FOXP2: variants seen among roughly 807,000 people sequenced by gnomAD.
The protein encoded by FOXP2 is forkhead box P2.
Under a neutral mutation model 115.8 loss-of-function variants are expected in FOXP2, and 12 were observed. That is an observed-to-expected ratio of 0.10 (90% CI 0.07 to 0.17). FOXP2 has a LOEUF of 0.17. Among genes scored for constraint, FOXP2 ranks in the 10% least tolerant of loss-of-function variants. The pLI is 1.00. For missense variants in FOXP2, 629 were observed against 843.5 expected, an observed-to-expected ratio of 0.75 and a Z score of 3.15; for synonymous variants, 328 against 297.7, an observed-to-expected ratio of 1.10 and a Z score of -1.05.
chr7:114,644,431 T>G (rs1432695751), intron 7 of FOXP2, among the ~76,000 whole-genome samples: 1 of 152,198 alleles, frequency 6.6e-6, no homozygotes, highest in Admixed American at 6.5e-5. Flanking sequence ...GATTAGCATA[T>G]GATATTATAC....
intron 2 of FOXP2, among the ~76,000 whole-genome samples, chr7:114,322,104 C>T (rs1370070526): frequency 1.3e-5 from 2 of 151,090 alleles, no homozygotes; most frequent in African/African-American, 4.9e-5. Flanking sequence ...CTCACTATAG[C>T]CTAGACCTCC....
chr7:114,638,852 T>C (rs548403865), intron 6 of FOXP2, among the ~76,000 whole-genome samples: 1 of 152,306 alleles, frequency 6.6e-6, no homozygotes, highest in East Asian at 1.9e-4. Context: ...CTCTGCCTCT[T>C]ATCTATTATA....
intron 1 of FOXP2, among the ~76,000 whole-genome samples, chr7:114,186,078 T>C (rs1793597134): frequency 6.6e-6 from 1 of 152,060 alleles, no homozygotes; most frequent in African/African-American, 2.4e-5. Flanking sequence ...TAGTCACCTC[T>C]TAAAGGCCAC....
At chr7:114,117,868 G>A (rs1187308869) in intron 1 of FOXP2, among the ~76,000 whole-genome samples, 1 of 152,086 alleles carries the variant, frequency 6.6e-6, no homozygotes, top group African/African-American at 2.4e-5. Context: ...CAGACTGAAG[G>A]CTTCTCATTG....
At chr7:114,288,341 C>A (rs1055720421) in intron 2 of FOXP2, among the ~76,000 whole-genome samples, 2 of 151,768 alleles carry the variant, frequency 1.3e-5, no homozygotes, top group Non-Finnish European at 2.9e-5. Flanking sequence ...CTTGGTATCA[C>A]TTTTTAAAAC....
chr7:114,337,730 T>C (rs895565790), intron 2 of FOXP2, among the ~76,000 whole-genome samples: 2 of 151,120 alleles, frequency 1.3e-5, no homozygotes, highest in Non-Finnish European at 3.0e-5. Flanking sequence ...TTGTATTAGA[T>C]GAAAAATGAA....
intron 2 of FOXP2, among the ~76,000 whole-genome samples, chr7:114,329,626 C>T (rs1797644258): frequency 1.3e-5 from 2 of 151,062 alleles, no homozygotes; most frequent in African/African-American, 2.4e-5. Context: ...GATACCGTGC[C>T]ATTTTTCACT....
At chr7:114,449,990 A>G (rs1795002224) in intron 2 of FOXP2, among the ~76,000 whole-genome samples, 1 of 152,022 alleles carries the variant, frequency 6.6e-6, no homozygotes, top group Admixed American at 6.6e-5. Context: ...TTTATGTACT[A>G]AATTGCAAAT....
intron 2 of FOXP2, among the ~76,000 whole-genome samples, chr7:114,403,535 T>C (rs1217039064): frequency 6.6e-6 from 1 of 152,218 alleles, no homozygotes; most frequent in African/African-American, 2.4e-5. Flanking sequence ...GACTCAAGTA[T>C]TATTTACCAT....
At chr7:114,505,098 C>G (rs921107611) in intron 2 of FOXP2, among the ~76,000 whole-genome samples, 3 of 151,440 alleles carry the variant, frequency 2.0e-5, no homozygotes, top group African/African-American at 7.3e-5. Context: ...CTCCATTTTC[C>G]TTTGTTGTCT....
intron 3 of FOXP2, among the ~76,000 whole-genome samples, chr7:114,573,668 C>T (rs1212778705): frequency 2.6e-5 from 4 of 151,612 alleles, no homozygotes; most frequent in African/African-American, 9.7e-5. Context: ...ACATACAAGC[C>T]AAAATTTTCA....
At chr7:114,299,908 A>C (rs1796836082) in intron 2 of FOXP2, among the ~76,000 whole-genome samples, 1 of 152,048 alleles carries the variant, frequency 6.6e-6, no homozygotes, top group African/African-American at 2.4e-5. Context: ...TGATTTAAGG[A>C]AATCAAAGGA....
intron 16 of FOXP2, among the ~76,000 whole-genome samples, chr7:114,688,110 G>GTT (rs60515489): frequency 2.2e-5 from 3 of 138,558 alleles, no homozygotes; most frequent in East Asian, 2.1e-4. Flanking sequence ...AAACTTCAGG[G>GTT]TTTTTTTTTT....
At chr7:114,359,438 G>C (rs746139831) in intron 2 of FOXP2, among the ~76,000 whole-genome samples, 9 of 152,204 alleles carry the variant, frequency 5.9e-5, no homozygotes, top group African/African-American at 2.2e-4. Context: ...CTGCCTAGAA[G>C]AGCTGTGGGA....
In FOXP2 at chr7:114,604,316, G is replaced by A. The variant is rs182069409; in HGVS notation, c.259-24224G>A. Among the ~76,000 whole-genome samples the A allele has an allele frequency of 1.8e-3, 269 of 152,218 alleles. 2 individuals carry two copies. Among genetic ancestry groups the A allele is most frequent in the African/African-American group, 6.1e-3 (252 of 41,534 alleles). ...CCTAATTACCTCCTACAGGCCCCAC[G>A]TGTTATATCATCACATTGGAGGTTA... On this transcript the variant is annotated intron_variant, in intron 3 of 16. Transcript: ENST00000350908.
At position 114,657,581 on chromosome 7, in the gene FOXP2, G is replaced by A. The variant is rs559912468; in HGVS notation, c.1267-485G>A. ...AAATTAGCAAGGAGACTAAAGGTCA[G>A]TGTAAAATTTTCCAGCTGGCTGGAG... is the stretch of plus-strand genomic sequence containing the variant. On this transcript the variant is annotated intron_variant, in intron 10 of 16. Coordinates refer to ENST00000350908, the MANE Select transcript of FOXP2 (RefSeq NM_014491.4). 2.6e-5 allele frequency among the ~76,000 whole-genome samples: 4 copies of A among 152,290 alleles called. No individual in the cohort carries two copies. The South Asian group carries it at 6.2e-4, about 24-fold the overall frequency.
intron 1 of FOXP2, among the ~76,000 whole-genome samples, chr7:114,271,130 G>C (rs891814157): frequency 3.3e-5 from 5 of 151,742 alleles, no homozygotes; most frequent in African/African-American, 1.2e-4. Flanking sequence ...TTATTTGTCA[G>C]TTCTTTCACC....
At chr7:114,599,825 T>G (rs545823779) in intron 3 of FOXP2, among the ~76,000 whole-genome samples, 1 of 152,224 alleles carries the variant, frequency 6.6e-6, no homozygotes, top group African/African-American at 2.4e-5. Flanking sequence ...CCTATTGCCT[T>G]TAAAAGATAT....
At chr7:114,493,276 A>G (rs893438463) in intron 2 of FOXP2, among the ~76,000 whole-genome samples, 3 of 151,940 alleles carry the variant, frequency 2.0e-5, no homozygotes, top group Non-Finnish European at 2.9e-5. Flanking sequence ...ATCTTCCTCC[A>G]TCCCTTTATT....
Sources: allele counts gnomAD v4.1 joint callset (sites outside exome capture counted in the v4.1 genomes callset), GRCh38; gene constraint gnomAD v4.1.1; transcripts MANE v1.5; gene names NCBI Gene and HGNC (gene_info 2026-07-23, HGNC 2026-07-21).